COL5A2: variants seen among roughly 807,000 people sequenced by gnomAD.
COL5A2 encodes collagen type V alpha 2 chain, also known as collagen alpha-2(V) chain.
A neutral mutation model predicts 208.2 loss-of-function variants in COL5A2; 23 were observed. That is an observed-to-expected ratio of 0.11 (90% CI 0.08 to 0.16). The LOEUF (loss-of-function observed/expected upper bound fraction) is 0.16, where lower values mean the gene tolerates loss of function less well. COL5A2 is among the 10% of genes least tolerant of loss of function. The probability of loss-of-function intolerance (pLI) is 1.00; values close to 1 mark genes in which losing one functional copy is unlikely to be tolerated. For synonymous variants in COL5A2, 625 were observed against 628.5 expected, an observed-to-expected ratio of 0.99 and a Z score of 0.08; for missense variants, 1,590 against 1,956.4, an observed-to-expected ratio of 0.81 and a Z score of 3.53.
intron 1 of COL5A2, among the ~76,000 whole-genome samples, chr2:189,197,371 G>A (rs747442186): frequency 2.6e-5 from 4 of 152,034 alleles, no homozygotes; most frequent in Non-Finnish European, 5.9e-5. Flanking sequence ...TGATAGGTGT[G>A]CCAAACCACC....
rs1452910575 is a variant in COL5A2 at position 189,034,085 on chromosome 2, T to A, written c.4485A>T (p.Pro1495=). The change falls in exon 54 of 54, where the codon CCA becomes CCT. Residue 1495 remains proline (P), a synonymous_variant. Transcript: ENST00000374866. ...TTGGCTTACTTTACACAAAACAAAC[T>A]GGCCCAATTTCAACGCCGAATTCCT... is the stretch of plus-strand genomic sequence containing the variant. ...TDQEFGVEIG[P]VCFV The A allele has an allele frequency of 1.9e-6, 3 of 1,614,010 alleles. No individual in the cohort carries two copies. The highest frequency in any genetic ancestry group is 2.5e-6 in the Non-Finnish European group (3 of 1,179,910).
chr2:189,381,858 G>C, the COL5A2 span, among the ~76,000 whole-genome samples: 1 of 151,920 alleles, frequency 6.6e-6, no homozygotes, highest in East Asian at 1.9e-4. Context: ...ATTATAGATA[G>C]AAAATAGTAT....
At chr2:189,147,897 G>A (rs868832058) in intron 1 of COL5A2, among the ~76,000 whole-genome samples, 22 of 152,082 alleles carry the variant, frequency 1.4e-4, no homozygotes, top group African/African-American at 3.6e-4. Flanking sequence ...TGATGGTCCC[G>A]GGACTCTACC....
the COL5A2 span, among the ~76,000 whole-genome samples, chr2:189,267,219 C>A: frequency 5.3e-5 from 8 of 152,060 alleles, no homozygotes; most frequent in Non-Finnish European, 7.4e-5. Context: ...ACATTGCCTG[C>A]ATCCATACTC....
chr2:189,092,362 G>A lies in COL5A2; in HGVS notation c.515C>T (p.Ala172Val), dbSNP rs1686806493. The A allele has an allele frequency of 2.5e-6, 4 of 1,609,438 alleles. No homozygotes were observed. The highest frequency in any genetic ancestry group is 3.4e-6 in the Non-Finnish European group (4 of 1,177,908). Residue 172 changes from alanine to valine, a missense_variant, in exon 7 of 54, where the codon GCT (alanine) becomes GTT (valine). Coordinates refer to ENST00000374866, the MANE Select transcript of COL5A2 (RefSeq NM_000393.5). ...GGACGGATGTCCAGGAGGTCCTGGA[G>A]CACCAGGTTGACCAGGAACACCTGG... ...GEPGVPGQPG[A>V]PGPPGHPSHP...
chr2:189,341,557 A>G, the COL5A2 span, among the ~76,000 whole-genome samples: 1 of 152,226 alleles, frequency 6.6e-6, no homozygotes, highest in Non-Finnish European at 1.5e-5. Context: ...ATAACAAAAC[A>G]GGGACAAACT....
chr2:189,326,660 C>A, the COL5A2 span, among the ~76,000 whole-genome samples: 1 of 152,006 alleles, frequency 6.6e-6, no homozygotes, highest in Non-Finnish European at 1.5e-5. Flanking sequence ...CATTGCCCTC[C>A]ATCCTGGGTG....
At chr2:189,348,765 G>A in the COL5A2 span, among the ~76,000 whole-genome samples, 811 of 152,280 alleles carry the variant, frequency 5.3e-3, 9 homozygotes, top group Middle Eastern at 6.8e-3. Flanking sequence ...AAAGAGTGCT[G>A]ACTAATTGGC....
the COL5A2 span, among the ~76,000 whole-genome samples, chr2:189,402,787 CTATAG>C: frequency 4.3e-4 from 65 of 150,366 alleles, no homozygotes; most frequent in South Asian, 7.6e-3. Context: ...GCTCTTTTGG[CTATAG>C]TATAGTATAG....
intron 31 of COL5A2, among the ~76,000 whole-genome samples, chr2:189,060,120 G>T (rs559958825): frequency 6.6e-6 from 1 of 151,838 alleles, no homozygotes; most frequent in East Asian, 1.9e-4. Flanking sequence ...ATATTACTTT[G>T]TCTGGAAAAC....
chr2:189,077,996 T>C (rs1175663575), intron 16 of COL5A2, among the ~76,000 whole-genome samples: 1 of 152,194 alleles, frequency 6.6e-6, no homozygotes, highest in African/African-American at 2.4e-5. Context: ...TCAAGTTACA[T>C]AAATAGTCTG....
At chr2:189,393,777 C>A in the COL5A2 span, among the ~76,000 whole-genome samples, 6 of 152,198 alleles carry the variant, frequency 3.9e-5, no homozygotes, top group Admixed American at 3.3e-4. Context: ...AAGAAATGAA[C>A]TTGCAAGTGC....
In COL5A2 at chr2:189,068,084, G is replaced by C; in HGVS notation, c.1332C>G (p.Gly444=). ...TGSPGTSGPP[G]SAGPPGSPGP... The stretch of plus-strand genomic sequence containing the variant: ...CTGGAGATCCAGGAGGCCCTGCTGA[G>C]CCAGGAGGACCAGAGGTACCTGGAG... The change falls in exon 21 of 54, where the codon GGC becomes GGG. Residue 444 remains glycine (G), a synonymous_variant. Coordinates refer to ENST00000374866, the MANE Select transcript of COL5A2 (RefSeq NM_000393.5). 1 of 1,613,678 alleles carries C rather than the reference G, an allele frequency of 6.2e-7. No individual in the cohort carries two copies. Among genetic ancestry groups the C allele is most frequent in the Non-Finnish European group, 8.5e-7 (1 of 1,179,634 alleles).
At chr2:189,325,347 TAAAG>T in the COL5A2 span, among the ~76,000 whole-genome samples, 3,976 of 150,524 alleles carry the variant, frequency 0.026, 67 homozygotes, top group Admixed American at 0.043. Context: ...AATAAAAAAA[TAAAG>T]AAGGAGACTG....
At chr2:189,076,713 A>T (rs568634469) in intron 16 of COL5A2, among the ~76,000 whole-genome samples, 2 of 152,292 alleles carry the variant, frequency 1.3e-5, no homozygotes, top group South Asian at 2.1e-4. Flanking sequence ...AAAGTCTGTT[A>T]TGTCACAGTC....
chr2:189,380,503 T>C, the COL5A2 span, among the ~76,000 whole-genome samples: 15 of 151,956 alleles, frequency 9.9e-5, no homozygotes, highest in Admixed American at 6.6e-5. Context: ...ATATTTTTAA[T>C]GAAAGGCAAA....
the COL5A2 span, among the ~76,000 whole-genome samples, chr2:189,284,093 T>C: frequency 6.6e-6 from 1 of 152,336 alleles, no homozygotes; most frequent in South Asian, 2.1e-4. Flanking sequence ...ATATCATACA[T>C]TGCTTATATC....
chr2:189,314,510 A>G, the COL5A2 span, among the ~76,000 whole-genome samples: 1 of 152,224 alleles, frequency 6.6e-6, no homozygotes, highest in Non-Finnish European at 1.5e-5. Flanking sequence ...TTAACCTAAC[A>G]TCACAACTAA....
At chr2:189,376,697 TTAG>T in the COL5A2 span, among the ~76,000 whole-genome samples, 2 of 152,196 alleles carry the variant, frequency 1.3e-5, no homozygotes, top group African/African-American at 4.8e-5. Flanking sequence ...AATCCTATAA[TTAG>T]TAGTTCTCAG....
Sources: gnomAD v4.1 joint callset for allele counts (sites outside exome capture counted in the v4.1 genomes callset) on GRCh38, gnomAD v4.1.1 for gene constraint, MANE v1.5 for transcripts, NCBI Gene and HGNC (gene_info 2026-07-23, HGNC 2026-07-21) for gene names.